Variants in SGCZ observed in about 807,000 individuals in gnomAD.
SGCZ encodes sarcoglycan zeta.
A neutral mutation model predicts 41.3 loss-of-function variants in SGCZ; 40 were observed. The ratio of observed to expected loss-of-function variants is 0.97; its 90% CI spans 0.75 to 1.26. SGCZ has a LOEUF of 1.26. Among genes scored for constraint, SGCZ ranks in the 50% most tolerant of loss-of-function variants. SGCZ has a pLI of 0.00. For synonymous variants in SGCZ, 206 were observed against 137.5 expected, an observed-to-expected ratio of 1.50 and a Z score of -3.49; for missense variants, 552 against 369.8, an observed-to-expected ratio of 1.49 and a Z score of -4.04.
chr8:14,787,618 G>A (rs1800810887), intron 1 of SGCZ, among the ~76,000 whole-genome samples: 1 of 152,038 alleles, frequency 6.6e-6, no homozygotes, highest in Non-Finnish European at 1.5e-5. Context: ...GGACCAAAGT[G>A]GGCGGATCAC....
intron 1 of SGCZ, among the ~76,000 whole-genome samples, chr8:14,578,139 A>G (rs1279025005): frequency 6.6e-6 from 1 of 152,218 alleles, no homozygotes; most frequent in Non-Finnish European, 1.5e-5. Context: ...AGCAATATGC[A>G]TGTTGGGAAT....
intron 1 of SGCZ, among the ~76,000 whole-genome samples, chr8:14,906,101 A>G (rs1387302256): frequency 1.3e-5 from 2 of 152,136 alleles, no homozygotes; most frequent in Non-Finnish European, 2.9e-5. Context: ...AAGGCTGCGT[A>G]TTTGAGATAT....
At chr8:15,154,842 C>T (rs1180653754) in intron 1 of SGCZ, among the ~76,000 whole-genome samples, 2 of 152,172 alleles carry the variant, frequency 1.3e-5, no homozygotes, top group Non-Finnish European at 2.9e-5. Flanking sequence ...TTTTGATGAA[C>T]ATGAGAGGTT....
At chr8:15,218,187 C>T (rs1356059727) in intron 1 of SGCZ, among the ~76,000 whole-genome samples, 2 of 151,844 alleles carry the variant, frequency 1.3e-5, no homozygotes, top group African/African-American at 4.8e-5. Flanking sequence ...TTAAGTTTCT[C>T]ATGAAAGACT....
intron 1 of SGCZ, among the ~76,000 whole-genome samples, chr8:14,768,627 G>A (rs1024202120): frequency 6.6e-6 from 1 of 152,114 alleles, no homozygotes; most frequent in East Asian, 1.9e-4. Flanking sequence ...TCAGGATCCA[G>A]AACTAAGCTG....
At chr8:15,158,093 A>G (rs1170674995) in intron 1 of SGCZ, among the ~76,000 whole-genome samples, 1 of 149,966 alleles carries the variant, frequency 6.7e-6, no homozygotes, top group African/African-American at 2.5e-5. Flanking sequence ...AATCCTTACC[A>G]TTTCTCCTTT....
intron 1 of SGCZ, among the ~76,000 whole-genome samples, chr8:14,691,718 G>A (rs901219543): frequency 2.6e-5 from 4 of 151,992 alleles, no homozygotes; most frequent in East Asian, 1.9e-4. Context: ...TTTAAACATC[G>A]TTCTTCATAA....
chr8:14,449,187 G>A (rs550003477), intron 2 of SGCZ, among the ~76,000 whole-genome samples: 1 of 152,136 alleles, frequency 6.6e-6, no homozygotes, highest in African/African-American at 2.4e-5. Flanking sequence ...CAGCATTCAA[G>A]GGTTTTCTGA....
chr8:14,879,992 C>A (rs1037651222), intron 1 of SGCZ, among the ~76,000 whole-genome samples: 2 of 152,046 alleles, frequency 1.3e-5, no homozygotes, highest in African/African-American at 4.8e-5. Context: ...AGGTTTGCAC[C>A]ACCACACCCG....
intron 1 of SGCZ, among the ~76,000 whole-genome samples, chr8:14,803,697 C>G (rs889607132): frequency 1.3e-5 from 2 of 151,836 alleles, no homozygotes; most frequent in Non-Finnish European, 2.9e-5. Context: ...AACAAAGCAG[C>G]CAGGAAGCTC....
At chr8:14,786,325 C>G (rs1323365961) in intron 1 of SGCZ, among the ~76,000 whole-genome samples, 1 of 151,908 alleles carries the variant, frequency 6.6e-6, no homozygotes, top group Non-Finnish European at 1.5e-5. Flanking sequence ...ACATAAGTTC[C>G]CTAAAGTTTA....
chr8:15,204,765 G>A (rs1346115771), intron 1 of SGCZ, among the ~76,000 whole-genome samples: 1 of 151,942 alleles, frequency 6.6e-6, no homozygotes, highest in Non-Finnish European at 1.5e-5. Flanking sequence ...GTTAACTATA[G>A]CCCACATAAC....
chr8:14,838,890 T>C (rs1802801352), intron 1 of SGCZ, among the ~76,000 whole-genome samples: 1 of 151,998 alleles, frequency 6.6e-6, no homozygotes, highest in Non-Finnish European at 1.5e-5. Context: ...GGGAACAGGG[T>C]AACCAAAGTG....
At chr8:15,046,928 G>A (rs1356204702) in intron 1 of SGCZ, among the ~76,000 whole-genome samples, 1 of 151,718 alleles carries the variant, frequency 6.6e-6, no homozygotes, top group Non-Finnish European at 1.5e-5. Flanking sequence ...AGAATATACA[G>A]GAAAAACTTT....
intron 1 of SGCZ, among the ~76,000 whole-genome samples, chr8:14,949,180 G>A (rs1800549702): frequency 6.6e-6 from 1 of 152,086 alleles, no homozygotes; most frequent in Admixed American, 6.6e-5. Context: ...TGTTTTAGCT[G>A]GAAGCTGTGT....
intron 1 of SGCZ, among the ~76,000 whole-genome samples, chr8:15,158,430 T>C (rs142057387): frequency 5.4e-4 from 83 of 152,350 alleles, no homozygotes; most frequent in African/African-American, 2.0e-3. Context: ...AAATCATAGC[T>C]GTAACTTTTG....
At chr8:14,764,016 T>A (rs1268729619) in intron 1 of SGCZ, among the ~76,000 whole-genome samples, 1 of 152,182 alleles carries the variant, frequency 6.6e-6, no homozygotes, top group African/African-American at 2.4e-5. Flanking sequence ...CCTATCAAGT[T>A]CCTTGGAGAA....
intron 1 of SGCZ, among the ~76,000 whole-genome samples, chr8:14,734,839 T>C (rs1798977348): frequency 1.8e-5 from 1 of 57,004 alleles, no homozygotes; most frequent in Non-Finnish European, 3.3e-5. Context: ...AGTGGGTATT[T>C]ACCTTAATTT....
chr8:14,836,124 C>A (rs11988778), intron 1 of SGCZ, among the ~76,000 whole-genome samples: 15,131 of 151,960 alleles, frequency 0.1, 1,231 homozygotes, highest in African/African-American at 0.22. Context: ...CTGCCTCCCC[C>A]ACACCTCCCC....
Sources: gnomAD v4.1 joint callset for allele counts (sites outside exome capture counted in the v4.1 genomes callset) on GRCh38, gnomAD v4.1.1 for gene constraint, MANE v1.5 for transcripts, NCBI Gene and HGNC (gene_info 2026-07-23, HGNC 2026-07-21) for gene names.